Variants in TRAF3 observed in about 807,000 individuals in gnomAD.
TRAF3 encodes TNF receptor associated factor 3, also known as TNF receptor-associated factor 3.
In TRAF3, 13 loss-of-function variants were observed where a neutral mutation model predicts 62.3. That is an observed-to-expected ratio of 0.21 (90% CI 0.14 to 0.33). The LOEUF (loss-of-function observed/expected upper bound fraction) is 0.33, where lower values mean the gene tolerates loss of function less well. TRAF3 is among the 10% of genes least tolerant of loss of function. The pLI is 1.00. For missense variants in TRAF3, 440 were observed against 741.8 expected (o/e 0.59, Z 4.73); for synonymous variants, 269 against 283.4 (o/e 0.95, Z 0.51).
At chr14:102,805,551 G>A (rs557913363) in intron 1 of TRAF3, among the ~76,000 whole-genome samples, 8 of 152,268 alleles carry the variant, frequency 5.3e-5, no homozygotes, top group South Asian at 2.1e-4. Flanking sequence ...CTGAGTCATC[G>A]CTGCCCAAGA....
In TRAF3 at chr14:102,881,414, A is replaced by G. The variant is rs568217956; in HGVS notation, c.571-4775A>G. On this transcript the variant is annotated intron_variant, in intron 6 of 11. Coordinates refer to ENST00000392745, the MANE Select transcript of TRAF3 (RefSeq NM_145725.3). ...CAAAAACAAAAAAAAAAAAAAAGAA[A>G]AAAAGGAAGGAGATCATCTACTTTG... Among the ~76,000 whole-genome samples, 63 of 152,232 alleles carry G rather than the reference A, an allele frequency of 4.1e-4. 2 individuals are homozygous for G. The South Asian group carries it at 0.011, about 27-fold the overall frequency.
chr14:102,823,319 T>C (rs1250798895), intron 1 of TRAF3, among the ~76,000 whole-genome samples: 1 of 152,230 alleles, frequency 6.6e-6, no homozygotes, highest in Non-Finnish European at 1.5e-5. Context: ...AAGATTCAGG[T>C]ATTATTTATT....
At position 102,907,898 on chromosome 14, in the gene TRAF3, C is replaced by G. The variant is rs1467565432; in HGVS notation, c.*2114C>G. ...TGCCCTGTGAGGGAGTCGTGTGTCCCTGCTCATAAAGGAAGGACTTCCTGC... is the reference window on the plus strand; with the variant it reads ...TGCCCTGTGAGGGAGTCGTGTGTCCGTGCTCATAAAGGAAGGACTTCCTGC... On this transcript the variant is annotated 3_prime_UTR_variant, in exon 12 of 12. Transcript: ENST00000392745. The G allele has an allele frequency of 2.6e-5, 4 of 152,274 alleles. No individual in the cohort carries two copies. Among genetic ancestry groups the G allele is most frequent in the Admixed American group, 2.0e-4 (3 of 15,288 alleles). 9.4% of individuals were successfully genotyped at this position (152,274 alleles called of 1,614,324 possible). A position where few individuals can be genotyped will look rare whatever the true frequency, so the allele number is the denominator to read the frequency against.
intron 1 of TRAF3, among the ~76,000 whole-genome samples, chr14:102,795,913 C>T (rs949725157): frequency 1.3e-5 from 2 of 152,078 alleles, no homozygotes; most frequent in Non-Finnish European, 2.9e-5. Flanking sequence ...TGTAATGAAG[C>T]CACCATAAAA....
chr14:102,841,882 A>C (rs930995760), intron 2 of TRAF3, among the ~76,000 whole-genome samples: 4 of 152,220 alleles, frequency 2.6e-5, no homozygotes, highest in Admixed American at 1.3e-4. Context: ...AAACATAAGC[A>C]TACTGAGTGA....
At chr14:102,881,636 T>A (rs896194335) in intron 6 of TRAF3, among the ~76,000 whole-genome samples, 3 of 152,116 alleles carry the variant, frequency 2.0e-5, no homozygotes, top group African/African-American at 7.2e-5. Flanking sequence ...GATGCGGGGC[T>A]TAATAATACC....
At chr14:102,815,493 G>C (rs1383937006) in intron 1 of TRAF3, among the ~76,000 whole-genome samples, 1 of 152,070 alleles carries the variant, frequency 6.6e-6, no homozygotes, top group Admixed American at 6.6e-5. Context: ...TAGCTTCCCA[G>C]GTAGTTAGGA....
At chr14:102,835,848 C>A (rs151196814) in intron 2 of TRAF3, among the ~76,000 whole-genome samples, 2 of 152,052 alleles carry the variant, frequency 1.3e-5, no homozygotes, top group Non-Finnish European at 2.9e-5. Context: ...TACATCAAAC[C>A]CTGGTGACAG....
At chr14:102,827,107 C>G (rs1900366094) in intron 1 of TRAF3, among the ~76,000 whole-genome samples, 1 of 152,338 alleles carries the variant, frequency 6.6e-6, no homozygotes, top group East Asian at 1.9e-4. Flanking sequence ...TGTTCTCCCC[C>G]TGGCCCTCCC....
chr14:102,821,242 G>T (rs776240383), intron 1 of TRAF3, among the ~76,000 whole-genome samples: 1 of 152,164 alleles, frequency 6.6e-6, no homozygotes, highest in Non-Finnish European at 1.5e-5. Flanking sequence ...TTGACTTAAT[G>T]ATTCAAGATT....
At chr14:102,831,838 T>C (rs1900711555) in intron 2 of TRAF3, among the ~76,000 whole-genome samples, 1 of 152,242 alleles carries the variant, frequency 6.6e-6, no homozygotes, top group South Asian at 2.1e-4. Flanking sequence ...TTATTACAAC[T>C]TGCAGCTTCA....
At chr14:102,845,992 A>C (rs1886690690) in intron 2 of TRAF3, among the ~76,000 whole-genome samples, 2 of 148,040 alleles carry the variant, frequency 1.4e-5, no homozygotes, top group Admixed American at 6.8e-5. Flanking sequence ...AAAAAAAAAA[A>C]AAAAAAAAAA....
At chr14:102,886,045 T>G (rs1467087799) in intron 6 of TRAF3, 144 bp from the exon 7 acceptor site, 1 of 691,878 alleles carries the variant, frequency 1.4e-6, no homozygotes, top group East Asian at 3.0e-5. Context: ...CAATAATGAC[T>G]CAGCCATACG....
chr14:102,906,006 C>T lies in TRAF3; in HGVS notation c.*222C>T, dbSNP rs955055326. 1 of 471,040 alleles carries T rather than the reference C, an allele frequency of 2.1e-6. No individual in the cohort carries two copies. Among genetic ancestry groups the T allele is most frequent in the East Asian group, 3.2e-5 (1 of 31,006 alleles). 29.2% of individuals were successfully genotyped at this position (471,040 alleles called of 1,614,324 possible). A position where few individuals can be genotyped will look rare whatever the true frequency, so the allele number is the denominator to read the frequency against. ...CTCTGAAGAATTATTTATCCTTCAA[C>T]AAGATAAATATTGCTGTCAGAGAAG... is the stretch of plus-strand genomic sequence containing the variant. On this transcript the variant is annotated 3_prime_UTR_variant, in exon 12 of 12. Coordinates refer to ENST00000392745, the MANE Select transcript of TRAF3 (RefSeq NM_145725.3).
chr14:102,783,131 C>G (rs577401854), intron 1 of TRAF3, among the ~76,000 whole-genome samples: 8 of 152,290 alleles, frequency 5.3e-5, no homozygotes, highest in African/African-American at 1.9e-4. Flanking sequence ...GTGTTTGTGT[C>G]CAGATTCTGC....
rs532886060 is a variant in TRAF3 at position 102,906,913 on chromosome 14, G to A, written c.*1129G>A. 2.6e-5 allele frequency: 4 copies of A among 152,344 alleles called. No homozygotes were observed. Among genetic ancestry groups the A allele is most frequent in the African/African-American group, 9.6e-5 (4 of 41,542 alleles). 9.4% of individuals were successfully genotyped at this position (152,344 alleles called of 1,614,324 possible). A position where few individuals can be genotyped will look rare whatever the true frequency, so the allele number is the denominator to read the frequency against. ...GCATACGGCCCACGTGCCTTAGATGGGACATGCTGCTTCTCCACCCTGGGT... is the reference window on the plus strand; with the variant it reads ...GCATACGGCCCACGTGCCTTAGATGAGACATGCTGCTTCTCCACCCTGGGT... On this transcript the variant is annotated 3_prime_UTR_variant, in exon 12 of 12. Coordinates refer to ENST00000392745, the MANE Select transcript of TRAF3 (RefSeq NM_145725.3).
At chr14:102,888,162 C>T (rs923976900) in intron 7 of TRAF3, among the ~76,000 whole-genome samples, 1 of 152,198 alleles carries the variant, frequency 6.6e-6, no homozygotes, top group African/African-American at 2.4e-5. Context: ...TTTGTTATTG[C>T]AGTAATGACA....
chr14:102,790,991 A>G (rs573129934), intron 1 of TRAF3, among the ~76,000 whole-genome samples: 3 of 151,266 alleles, frequency 2.0e-5, no homozygotes, highest in East Asian at 3.9e-4. Flanking sequence ...TTGTCCTCCA[A>G]TCCATGAACG....
chr14:102,801,136 C>A (rs547304590), intron 1 of TRAF3, among the ~76,000 whole-genome samples: 3 of 152,168 alleles, frequency 2.0e-5, no homozygotes, highest in East Asian at 1.9e-4. Context: ...ACGGCACTCC[C>A]GCCTGGGCGA....
Sources: allele counts gnomAD v4.1 joint callset (sites outside exome capture counted in the v4.1 genomes callset), GRCh38; gene constraint gnomAD v4.1.1; transcripts MANE v1.5; gene names NCBI Gene and HGNC (gene_info 2026-07-23, HGNC 2026-07-21).